Variants in CDKAL1 observed in about 807,000 individuals in gnomAD.
CDKAL1 encodes the protein threonylcarbamoyladenosine tRNA methylthiotransferase.
A neutral mutation model predicts 68.2 loss-of-function variants in CDKAL1; 32 were observed. That is an observed-to-expected ratio of 0.47 (90% confidence interval 0.35 to 0.63). The LOEUF (loss-of-function observed/expected upper bound fraction) is 0.63. Among genes scored for constraint, CDKAL1 ranks in the 30% least tolerant of loss-of-function variants. CDKAL1 has a pLI of 0.00. For synonymous variants in CDKAL1, 234 were observed against 244.3 expected, an observed-to-expected ratio of 0.96 and a Z score of 0.39; for missense variants, 606 against 696.7, an observed-to-expected ratio of 0.87 and a Z score of 1.47.
At chr6:20,646,375 C>CTT (rs545910517) in intron 4 of CDKAL1, among the ~76,000 whole-genome samples, 2 of 141,594 alleles carry the variant, frequency 1.4e-5, no homozygotes, top group South Asian at 2.3e-4. Context: ...TTTCTTCTTC[C>CTT]TTTTTTTTTT....
intron 14 of CDKAL1, among the ~76,000 whole-genome samples, chr6:21,200,205 A>G (rs1190799729): frequency 1.3e-5 from 2 of 152,214 alleles, no homozygotes; most frequent in African/African-American, 4.8e-5. Flanking sequence ...GTCCCAAAGG[A>G]AGGGAAACGT....
intron 10 of CDKAL1, among the ~76,000 whole-genome samples, chr6:20,957,968 CAAAAAAAAA>C (rs60301451): frequency 1.2e-4 from 8 of 67,434 alleles, no homozygotes; most frequent in African/African-American, 2.4e-4. Flanking sequence ...AAGATTATCT[CAAAAAAAAA>C]AAAAAAAAAA....
intron 13 of CDKAL1, among the ~76,000 whole-genome samples, chr6:21,139,065 T>A (rs1775769613): frequency 6.6e-6 from 1 of 152,260 alleles, no homozygotes; most frequent in South Asian, 2.1e-4. Context: ...CTGGCTATTT[T>A]CATTTTAGCA....
At chr6:21,192,452 A>C (rs1440558483) in intron 13 of CDKAL1, among the ~76,000 whole-genome samples, 1 of 152,174 alleles carries the variant, frequency 6.6e-6, no homozygotes, top group Admixed American at 6.5e-5. Context: ...TAGCTTGTTA[A>C]AGCAGGTGCC....
chr6:21,034,494 G>A (rs1292842000), intron 11 of CDKAL1, among the ~76,000 whole-genome samples: 2 of 152,156 alleles, frequency 1.3e-5, no homozygotes, highest in African/African-American at 4.8e-5. Context: ...TTTCACATAA[G>A]TGGCCAATTA....
chr6:20,691,696 G>T (rs900021402), intron 5 of CDKAL1, among the ~76,000 whole-genome samples: 1 of 152,034 alleles, frequency 6.6e-6, no homozygotes, highest in Non-Finnish European at 1.5e-5. Context: ...ATTTAGAGAG[G>T]ACTCCAAAGC....
chr6:20,804,852 C>T (rs1003155631), intron 8 of CDKAL1, among the ~76,000 whole-genome samples: 1 of 152,098 alleles, frequency 6.6e-6, no homozygotes, highest in Non-Finnish European at 1.5e-5. Flanking sequence ...GGAGTACAAA[C>T]GCCTGCTTTC....
chr6:20,963,511 A>G (rs1384069525), intron 10 of CDKAL1, among the ~76,000 whole-genome samples: 1 of 152,174 alleles, frequency 6.6e-6, no homozygotes, highest in Non-Finnish European at 1.5e-5. Flanking sequence ...TTTGTTTGTA[A>G]TGTTAAGTCT....
rs1761989362 is a variant in CDKAL1 at position 20,901,735 on chromosome 6, A to G, written c.743-53684A>G. 3.3e-5 allele frequency among the ~76,000 whole-genome samples: 5 copies of G among 150,954 alleles called. No individual in the cohort carries two copies. The South Asian group carries it at 1.0e-3, about 32-fold the overall frequency. On this transcript the variant is annotated intron_variant, in intron 9 of 15. Coordinates refer to ENST00000274695, the MANE Select transcript of CDKAL1 (RefSeq NM_017774.3). ...AAACACAGTTTTTCCAGCAACTCAGAAACTGGGTTCTTCTCTTTTCTTTCC... is the reference window on the plus strand; with the variant it reads ...AAACACAGTTTTTCCAGCAACTCAGGAACTGGGTTCTTCTCTTTTCTTTCC...
intron 2 of CDKAL1, among the ~76,000 whole-genome samples, chr6:20,536,922 G>A (rs911713872): frequency 3.9e-5 from 6 of 152,204 alleles, no homozygotes; most frequent in Non-Finnish European, 7.3e-5. Context: ...TGCAACTGTG[G>A]CTGTACACAC....
chr6:20,557,055 A>T (rs1561923449), intron 4 of CDKAL1, among the ~76,000 whole-genome samples: 1 of 42,798 alleles, frequency 2.3e-5, no homozygotes, highest in Non-Finnish European at 6.3e-5. Context: ...AAAAAAAAAT[A>T]AATAAATAAA....
intron 13 of CDKAL1, among the ~76,000 whole-genome samples, chr6:21,110,515 A>G (rs1463743831): frequency 6.6e-6 from 1 of 152,250 alleles, no homozygotes; most frequent in African/African-American, 2.4e-5. Context: ...CTAGGCAGAT[A>G]GGTTTTAGTG....
intron 12 of CDKAL1, among the ~76,000 whole-genome samples, chr6:21,068,059 A>T (rs542822176): frequency 6.7e-6 from 1 of 148,156 alleles, no homozygotes; most frequent in Non-Finnish European, 1.5e-5. Flanking sequence ...TACCAGTTGG[A>T]TTTACAACCC....
chr6:20,711,667 A>G (rs1475888311), intron 5 of CDKAL1, among the ~76,000 whole-genome samples: 1 of 152,234 alleles, frequency 6.6e-6, no homozygotes, highest in Non-Finnish European at 1.5e-5. Flanking sequence ...GAAGTCTGGA[A>G]ATTGGTATTT....
At chr6:21,045,858 C>T (rs1330895281) in intron 11 of CDKAL1, among the ~76,000 whole-genome samples, 2 of 152,106 alleles carry the variant, frequency 1.3e-5, no homozygotes, top group African/African-American at 4.8e-5. Flanking sequence ...CGTCTCAAGT[C>T]ACTATTCAAT....
At chr6:21,001,060 G>A (rs1318667460) in intron 11 of CDKAL1, among the ~76,000 whole-genome samples, 1 of 152,206 alleles carries the variant, frequency 6.6e-6, no homozygotes, top group Admixed American at 6.5e-5. Context: ...TGCTAGGCAG[G>A]AAATGGAAGT....
intron 11 of CDKAL1, among the ~76,000 whole-genome samples, chr6:21,014,672 A>AT (rs375770849): frequency 2.3e-4 from 35 of 151,994 alleles, no homozygotes; most frequent in African/African-American, 5.8e-4. Flanking sequence ...AAACAACTGA[A>AT]TTTTTTTTAT....
chr6:21,108,130 T>C (rs1162934792), intron 12 of CDKAL1, among the ~76,000 whole-genome samples: 1 of 152,190 alleles, frequency 6.6e-6, no homozygotes, highest in East Asian at 1.9e-4. Context: ...TCAAATACAG[T>C]TTTTGATGAT....
chr6:20,692,718 C>CT (rs1307681644), intron 5 of CDKAL1, among the ~76,000 whole-genome samples: 2 of 150,214 alleles, frequency 1.3e-5, no homozygotes, highest in Non-Finnish European at 2.9e-5. Flanking sequence ...TAATATTTTT[C>CT]TTTATCAGCC....
Sources: allele counts gnomAD v4.1 joint callset (sites outside exome capture counted in the v4.1 genomes callset), GRCh38; gene constraint gnomAD v4.1.1; transcripts MANE v1.5; gene names NCBI Gene and HGNC (gene_info 2026-07-23, HGNC 2026-07-21).